The following RNGTT variants were observed in gnomAD, a reference collection of about 807,000 sequenced individuals.
The protein encoded by RNGTT is mRNA-capping enzyme.
RNGTT carries 33 observed loss-of-function variants against 79.3 expected under a neutral mutation model. The ratio of observed to expected loss-of-function variants is 0.42; its 90% CI spans 0.32 to 0.56. The LOEUF is 0.56. RNGTT is among the 20% of genes least tolerant of loss of function. RNGTT has a pLI of 0.17. For missense variants in RNGTT, 497 were observed against 739.1 expected, an observed-to-expected ratio of 0.67 and a Z score of 3.80; for synonymous variants, 222 against 235.9, an observed-to-expected ratio of 0.94 and a Z score of 0.54.
intron 12 of RNGTT, among the ~76,000 whole-genome samples, chr6:88,792,481 C>T (rs1779455239): frequency 6.6e-6 from 1 of 152,148 alleles, no homozygotes; most frequent in Admixed American, 6.5e-5. Flanking sequence ...CTTTTAAAGT[C>T]ATAAAGAGAA....
intron 13 of RNGTT, among the ~76,000 whole-genome samples, chr6:88,702,050 C>T (rs914108881): frequency 2.0e-5 from 3 of 151,970 alleles, no homozygotes; most frequent in African/African-American, 7.2e-5. Context: ...TAAAACATGA[C>T]TAAAAGAAAT....
intron 14 of RNGTT, among the ~76,000 whole-genome samples, chr6:88,674,010 A>AG (rs1774758385): frequency 6.6e-6 from 1 of 152,312 alleles, no homozygotes; most frequent in Non-Finnish European, 1.5e-5. Context: ...TGGGATAGCG[A>AG]GGGGGGTTTA....
intron 6 of RNGTT, among the ~76,000 whole-genome samples, chr6:88,897,722 C>T (rs1783300372): frequency 6.6e-6 from 1 of 152,148 alleles, no homozygotes; most frequent in African/African-American, 2.4e-5. Context: ...TTGGAGTGTT[C>T]TCAGTCAACT....
chr6:88,618,043 T>C (rs1053136696), intron 14 of RNGTT, among the ~76,000 whole-genome samples: 1 of 152,218 alleles, frequency 6.6e-6, no homozygotes, highest in Non-Finnish European at 1.5e-5. Context: ...CTTTATCATA[T>C]AGCTTATCAT....
chr6:88,837,800 T>C (rs1157902219), intron 11 of RNGTT, among the ~76,000 whole-genome samples: 1 of 152,134 alleles, frequency 6.6e-6, no homozygotes, highest in Non-Finnish European at 1.5e-5. Context: ...AACGCATACT[T>C]GTTTCACCTG....
chr6:88,946,404 T>G (rs1200084474), intron 1 of RNGTT, among the ~76,000 whole-genome samples: 1 of 151,674 alleles, frequency 6.6e-6, no homozygotes, highest in African/African-American at 2.4e-5. Context: ...GCCTCCCTAT[T>G]TCCTGAGACA....
At chr6:88,808,378 T>C (rs1051051044) in intron 11 of RNGTT, among the ~76,000 whole-genome samples, 1 of 151,992 alleles carries the variant, frequency 6.6e-6, no homozygotes, top group Non-Finnish European at 1.5e-5. Flanking sequence ...TACACAAAGA[T>C]ATATATCTAA....
intron 13 of RNGTT, among the ~76,000 whole-genome samples, chr6:88,745,778 A>C (rs1397557363): frequency 1.3e-5 from 2 of 151,916 alleles, no homozygotes; most frequent in Non-Finnish European, 2.9e-5. Context: ...AAAAAAGCAG[A>C]AGAAAAAAAG....
chr6:88,643,800 C>A (rs1434491729), intron 14 of RNGTT, among the ~76,000 whole-genome samples: 1 of 152,120 alleles, frequency 6.6e-6, no homozygotes, highest in Non-Finnish European at 1.5e-5. Context: ...TTCTTTGAAA[C>A]CAACGCGAAC....
chr6:88,677,766 C>G (rs573852880), intron 14 of RNGTT, among the ~76,000 whole-genome samples: 2 of 152,134 alleles, frequency 1.3e-5, no homozygotes, highest in South Asian at 4.2e-4. Context: ...CATGAGCCAC[C>G]GTACCCGACT....
At chr6:88,816,960 C>T (rs1432253592) in intron 11 of RNGTT, among the ~76,000 whole-genome samples, 2 of 152,204 alleles carry the variant, frequency 1.3e-5, no homozygotes, top group East Asian at 3.9e-4. Flanking sequence ...TAAAACTATT[C>T]ACATACAAAT....
At chr6:88,731,960 CATATAT>C (rs963517324) in intron 13 of RNGTT, among the ~76,000 whole-genome samples, 2 of 151,746 alleles carry the variant, frequency 1.3e-5, no homozygotes, top group East Asian at 3.9e-4. Context: ...AGGAAGAGAA[CATATAT>C]ATATATTTAC....
chr6:88,832,887 G>A (rs1157968851), intron 11 of RNGTT, among the ~76,000 whole-genome samples: 6 of 152,056 alleles, frequency 3.9e-5, no homozygotes, highest in African/African-American at 1.2e-4. Flanking sequence ...ACCATCTCAT[G>A]CCAGTTACAA....
At chr6:88,944,248 C>T (rs986666350) in intron 1 of RNGTT, among the ~76,000 whole-genome samples, 6 of 152,168 alleles carry the variant, frequency 3.9e-5, no homozygotes, top group Non-Finnish European at 5.9e-5. Flanking sequence ...TATTATTCCT[C>T]GTTTTACAGA....
intron 13 of RNGTT, among the ~76,000 whole-genome samples, chr6:88,698,023 CATAT>C (rs1243986633): frequency 1.2e-5 from 1 of 81,192 alleles, no homozygotes; most frequent in African/African-American, 8.6e-5. Context: ...ATATGAAATA[CATAT>C]ATATGATATA....
At chr6:88,929,531 A>G (rs1199246589) in intron 2 of RNGTT, among the ~76,000 whole-genome samples, 6 of 152,198 alleles carry the variant, frequency 3.9e-5, no homozygotes, top group Non-Finnish European at 5.9e-5. Flanking sequence ...TTCTACTGCC[A>G]ACATCACAAA....
chr6:88,657,885 C>T (rs1422731085), intron 14 of RNGTT, among the ~76,000 whole-genome samples: 1 of 152,102 alleles, frequency 6.6e-6, no homozygotes, highest in African/African-American at 2.4e-5. Flanking sequence ...CTGCTATGTC[C>T]CACAGTGTCT....
At chr6:88,791,640 C>T (rs987414524) in intron 12 of RNGTT, among the ~76,000 whole-genome samples, 121 of 152,134 alleles carry the variant, frequency 8.0e-4, no homozygotes, top group African/African-American at 2.5e-3. Flanking sequence ...CCTGGGTTAA[C>T]GCCATTCTCC....
chr6:88,720,565 CTTATTACTGT>C (rs1776674751), intron 13 of RNGTT, among the ~76,000 whole-genome samples: 1 of 152,082 alleles, frequency 6.6e-6, no homozygotes, highest in Non-Finnish European at 1.5e-5. Context: ...TTACCTAGTA[CTTATTACTGT>C]TTCATTAAAT....
Sources: allele counts gnomAD v4.1 joint callset (sites outside exome capture counted in the v4.1 genomes callset), GRCh38; gene constraint gnomAD v4.1.1; transcripts MANE v1.5; gene names NCBI Gene and HGNC (gene_info 2026-07-23, HGNC 2026-07-21).